Variants in FRMD4B observed in about 807,000 individuals in gnomAD.
FRMD4B encodes FERM domain-containing protein 4B.
In FRMD4B, 74 loss-of-function variants were observed where a neutral mutation model predicts 141.5. The ratio of observed to expected loss-of-function variants is 0.52; its 90% CI spans 0.43 to 0.63. The LOEUF (loss-of-function observed/expected upper bound fraction) is 0.63, where lower values mean the gene tolerates loss of function less well. Among genes scored for constraint, FRMD4B ranks in the 30% least tolerant of loss-of-function variants. FRMD4B has a pLI of 0.00. For missense variants in FRMD4B, 1,366 were observed against 1,253.4 expected (o/e 1.09, Z -1.36); for synonymous variants, 506 against 467.9 (o/e 1.08, Z -1.05).
intron 1 of FRMD4B, among the ~76,000 whole-genome samples, chr3:69,362,519 A>G (rs962557956): frequency 6.6e-6 from 1 of 152,176 alleles, no homozygotes; most frequent in Non-Finnish European, 1.5e-5. Context: ...CTCTACTAAA[A>G]GTACAAAATT....
At chr3:69,375,389 T>C (rs1426613946) in intron 1 of FRMD4B, among the ~76,000 whole-genome samples, 5 of 152,330 alleles carry the variant, frequency 3.3e-5, no homozygotes, top group Middle Eastern at 6.8e-3. Flanking sequence ...ACAGTGTTTT[T>C]AGTGCTTTTA....
chr3:69,370,526 C>T (rs568422291), intron 1 of FRMD4B, among the ~76,000 whole-genome samples: 5 of 152,312 alleles, frequency 3.3e-5, no homozygotes, highest in East Asian at 3.9e-4. Context: ...ATGAAATGGT[C>T]GTTAGAGAAG....
intron 1 of FRMD4B, among the ~76,000 whole-genome samples, chr3:69,354,998 A>G (rs1703271062): frequency 6.6e-6 from 1 of 150,834 alleles, no homozygotes; most frequent in East Asian, 1.9e-4. Flanking sequence ...TATTTCATGC[A>G]CATATACTTG....
In FRMD4B at chr3:69,429,207, T is replaced by C. The variant is rs574278859; in HGVS notation, c.-1+3427A>G. On this transcript the variant is annotated intron_variant, in intron 2 of 5. Transcript: ENST00000459638. ...CATAATTTTGCTATTATAACAATGCTAAAGTGAACACACTTGTGCATATAT... is the reference window on the plus strand; with the variant it reads ...CATAATTTTGCTATTATAACAATGCCAAAGTGAACACACTTGTGCATATAT... Among the ~76,000 whole-genome samples the C allele has an allele frequency of 1.6e-3, 240 of 152,328 alleles. 2 individuals are homozygous for C. Among genetic ancestry groups the C allele is most frequent in the Middle Eastern group, 3.4e-3 (1 of 294 alleles).
At chr3:69,197,560 G>T (rs1468249944) in intron 12 of FRMD4B, among the ~76,000 whole-genome samples, 1 of 49,150 alleles carries the variant, frequency 2.0e-5, no homozygotes, top group African/African-American at 3.3e-5. Context: ...GATGGAAAGA[G>T]GAAAGGGGAC....
intron 2 of FRMD4B, among the ~76,000 whole-genome samples, chr3:69,312,141 G>T (rs768973863): frequency 3.3e-5 from 5 of 152,262 alleles, no homozygotes; most frequent in Non-Finnish European, 7.4e-5. Context: ...GGAAGCTCTG[G>T]ATCTGCTGAG....
intron 3 of FRMD4B, chr3:69,310,607 G>C (rs1407737870): frequency 2.7e-5 from 8 of 297,934 alleles, no homozygotes; most frequent in South Asian, 2.2e-4. Flanking sequence ...GAGAGAGAGA[G>C]AGAGAAAAGA....
rs140582896 is a variant in FRMD4B at position 69,169,858 on chromosome 3, T to C, written c.*2003A>G. Reference sequence around the variant, plus strand: ...ATTAAAGGATGTCAGAGAACTAATTTCTTGAATTTAGAAGACCTGTTTGCC... The same window carrying C: ...ATTAAAGGATGTCAGAGAACTAATTCCTTGAATTTAGAAGACCTGTTTGCC... On this transcript the variant is annotated 3_prime_UTR_variant, in exon 23 of 23. Coordinates refer to ENST00000398540, the MANE Select transcript of FRMD4B (RefSeq NM_015123.3). 6.6e-6 allele frequency: 1 copy of C among 152,334 alleles called. No homozygotes were observed. Among genetic ancestry groups the C allele is most frequent in the Non-Finnish European group, 1.5e-5 (1 of 68,036 alleles). 9.4% of individuals were successfully genotyped at this position (152,334 alleles called of 1,614,324 possible). A position where few individuals can be genotyped will look rare whatever the true frequency, so the allele number is the denominator to read the frequency against.
intron 5 of FRMD4B, among the ~76,000 whole-genome samples, chr3:69,259,835 A>G (rs1372208011): frequency 1.3e-5 from 2 of 152,206 alleles, no homozygotes; most frequent in Non-Finnish European, 2.9e-5. Flanking sequence ...GGGGTCACCC[A>G]GGCTAATGTG....
intron 1 of FRMD4B, among the ~76,000 whole-genome samples, chr3:69,496,673 G>C (rs1170455147): frequency 1.4e-5 from 2 of 147,344 alleles, no homozygotes; most frequent in Non-Finnish European, 3.0e-5. Flanking sequence ...GAGAGAGAGA[G>C]AGAGACAGGG....
chr3:69,364,061 T>C (rs1042927224), intron 1 of FRMD4B, among the ~76,000 whole-genome samples: 2 of 152,162 alleles, frequency 1.3e-5, no homozygotes, highest in African/African-American at 2.4e-5. Context: ...AAGGGGGTGA[T>C]ATTGATCCCT....
At chr3:69,317,499 C>A (rs1214824097) in intron 1 of FRMD4B, among the ~76,000 whole-genome samples, 1 of 152,140 alleles carries the variant, frequency 6.6e-6, no homozygotes. Context: ...GTAATCCCAG[C>A]ACTTTGGGAG....
chr3:69,371,403 A>T (rs1367382976), intron 1 of FRMD4B, among the ~76,000 whole-genome samples: 5 of 152,210 alleles, frequency 3.3e-5, no homozygotes, highest in Non-Finnish European at 7.3e-5. Flanking sequence ...TCACACAGAC[A>T]CACAGGGGCC....
chr3:69,355,396 A>C (rs145117260), intron 1 of FRMD4B, among the ~76,000 whole-genome samples: 1 of 152,324 alleles, frequency 6.6e-6, no homozygotes, highest in East Asian at 1.9e-4. Context: ...GTGGGGAATT[A>C]TTGTATTACT....
chr3:69,213,731 T>C (rs992261988), intron 11 of FRMD4B, among the ~76,000 whole-genome samples: 5 of 151,170 alleles, frequency 3.3e-5, no homozygotes, highest in African/African-American at 2.4e-5. Flanking sequence ...GGCATGATCA[T>C]AGTTCATTGC....
intron 1 of FRMD4B, chr3:69,353,670 C>T: frequency 1.0e-6 from 1 of 985,034 alleles, no homozygotes; most frequent in Non-Finnish European, 1.2e-6. Flanking sequence ...CGCGCATGTG[C>T]TTGCATTTTC....
chr3:69,191,857 C>T (rs2107636410), intron 17 of FRMD4B, among the ~76,000 whole-genome samples: 1 of 152,278 alleles, frequency 6.6e-6, no homozygotes, highest in African/African-American at 2.4e-5. Flanking sequence ...TCACATTCAA[C>T]CAAAGCTACT....
At chr3:69,178,591 T>A (rs1174065530) in intron 21 of FRMD4B, among the ~76,000 whole-genome samples, 1 of 151,520 alleles carries the variant, frequency 6.6e-6, no homozygotes, top group South Asian at 2.1e-4. Flanking sequence ...AGGATCGCGT[T>A]GAGCCAAGGA....
chr3:69,355,489 C>T (rs1028323125), intron 1 of FRMD4B, among the ~76,000 whole-genome samples: 1 of 152,014 alleles, frequency 6.6e-6, no homozygotes, highest in South Asian at 2.1e-4. Context: ...GTTGGAGAGT[C>T]GACTGAGAGA....
Sources: allele counts gnomAD v4.1 joint callset (sites outside exome capture counted in the v4.1 genomes callset), GRCh38; gene constraint gnomAD v4.1.1; transcripts MANE v1.5; gene names NCBI Gene and HGNC (gene_info 2026-07-23, HGNC 2026-07-21).